OTUD3: variants seen among roughly 807,000 people sequenced by gnomAD.
OTUD3 encodes the protein OTU domain-containing protein 3.
OTUD3 carries 24 observed loss-of-function variants against 46.2 expected under a neutral mutation model. That is an observed-to-expected ratio of 0.52 (90% confidence interval 0.38 to 0.73). The LOEUF is 0.73. OTUD3 is among the 30% of genes least tolerant of loss of function. The pLI, the probability that OTUD3 is intolerant of heterozygous loss-of-function variation, is 0.00. For missense variants in OTUD3, 455 were observed against 523.3 expected, an observed-to-expected ratio of 0.87 and a Z score of 1.27; for synonymous variants, 189 against 195.4, an observed-to-expected ratio of 0.97 and a Z score of 0.27.
chr1:19,907,067 G>C (rs562070850), intron 7 of OTUD3: 1 of 162,336 alleles, frequency 6.2e-6, no homozygotes, highest in African/African-American at 2.4e-5. Flanking sequence ...AAATTGTCAC[G>C]TGCTTCCCAG....
At chr1:19,904,085 G>C (rs1017963448) in intron 4 of OTUD3, among the ~76,000 whole-genome samples, 182 bp from the exon 5 acceptor site, 14 of 152,116 alleles carry the variant, frequency 9.2e-5, no homozygotes, top group African/African-American at 3.1e-4. Flanking sequence ...TTCCTCTGTT[G>C]TGACTCAAAG....
intron 7 of OTUD3, among the ~76,000 whole-genome samples, 170 bp from the exon 8 acceptor site, chr1:19,907,400 A>G (rs901746348): frequency 3.9e-5 from 6 of 152,256 alleles, no homozygotes; most frequent in African/African-American, 7.2e-5. Flanking sequence ...ATATAAATTT[A>G]AATGCAAATT....
rs142918335 is a variant in OTUD3, at chr1:19,907,732, G to T, written c.1183G>T (p.Ala395Ser). 52 of 1,614,022 alleles carry T rather than the reference G, an allele frequency of 3.2e-5. No homozygotes were observed. Among genetic ancestry groups the T allele is most frequent in the Non-Finnish European group, 3.0e-5 (35 of 1,179,914 alleles). Residue 395 changes from alanine to serine, a missense_variant, in exon 8 of 8, where the codon GCT becomes TCT. Ala to Ser is a moderately conservative substitution (Grantham distance 99). Transcript: ENST00000375120. ...TQVTLVKTFAALNI is the reference protein window; with the variant it reads ...TQVTLVKTFASLNI The stretch of plus-strand genomic sequence containing the variant: ...GGTCACCTTGGTGAAGACCTTCGCC[G>T]CTCTCAACATCTGACTCTTTGGCCT...
In OTUD3 at chr1:19,890,408, GT is replaced by G; in HGVS notation, c.246del (p.Asp83IlefsTer21). On this transcript the variant is annotated frameshift_variant, in exon 2 of 8. Coordinates refer to ENST00000375120, the MANE Select transcript of OTUD3 (RefSeq NM_015207.2). LOFTEE classifies it high-confidence loss of function. ...AGCAATTGCTTGTTCAGAGCTCTTG[GT>G]GATCAATTGGAGGGACACTCACGAA... is the stretch of plus-strand genomic sequence containing the variant. Reference protein sequence around the residue: ...GDGNCLFRALGDQLEGHSRNH... With the variant: ...GDGNCLFRALXDQLEGHSRNH... The G allele has an allele frequency of 1.2e-6, 2 of 1,613,912 alleles. No individual in the cohort carries two copies. Among genetic ancestry groups the G allele is most frequent in the Non-Finnish European group, 1.7e-6 (2 of 1,179,822 alleles).
In OTUD3 at chr1:19,904,292, C is replaced by A; in HGVS notation, c.632C>A (p.Ser211Ter). 1.2e-6 allele frequency: 2 copies of A among 1,604,354 alleles called. No homozygotes were observed. Among genetic ancestry groups the A allele is most frequent in the South Asian group, 2.2e-5 (2 of 89,230 alleles). ...TDFQMLHQDE[S>*]NKREKIKTKG... Reference sequence around the variant, plus strand: ...TTTCAGATGCTTCATCAAGATGAATCAAATAAAAGAGAAAAGATCAAGACA... The same window carrying A: ...TTTCAGATGCTTCATCAAGATGAATAAAATAAAAGAGAAAAGATCAAGACA... The change falls in exon 5 of 8, where the codon TCA becomes TAA. Residue 211 changes from serine (S) to a stop codon, truncating the protein, a stop_gained. Coordinates refer to ENST00000375120, the MANE Select transcript of OTUD3 (RefSeq NM_015207.2). LOFTEE classifies it high-confidence loss of function.
At chr1:19,887,076 CTTTTTCTTTTTTTT>C (rs2045373079) in intron 1 of OTUD3, among the ~76,000 whole-genome samples, 1 of 135,504 alleles carries the variant, frequency 7.4e-6, no homozygotes, top group Non-Finnish European at 1.6e-5. Flanking sequence ...TTTTCTTTTT[CTTTTTCTTTTTTTT>C]TTTTTTTTGG....
intron 1 of OTUD3, among the ~76,000 whole-genome samples, chr1:19,886,490 T>C (rs2045363067): frequency 6.6e-6 from 1 of 152,182 alleles, no homozygotes; most frequent in South Asian, 2.1e-4. Flanking sequence ...CACTCAGTGG[T>C]TTTCAGTTGG....
At position 19,907,606 on chromosome 1, in the gene OTUD3, GAGA is replaced by G. The variant is rs775997515; in HGVS notation, c.1066_1068del (p.Lys356del). 231 of 1,614,018 alleles carry G rather than the reference GAGA, an allele frequency of 1.4e-4. No individual in the cohort carries two copies. The highest frequency in any genetic ancestry group is 5.7e-4 in the Admixed American group (34 of 60,008). Reference sequence around the variant, plus strand: ...ACAGAGGCGAGAACAGCAGTGGATGGAGAAGAAGAAGCGGCAGGAGGAGAGGCA... The same window carrying G: ...ACAGAGGCGAGAACAGCAGTGGATGGAGAAGAAGCGGCAGGAGGAGAGGCA... On this transcript the variant is annotated inframe_deletion, in exon 8 of 8. Transcript: ENST00000375120.
chr1:19,893,754 A>C (rs564296936), intron 2 of OTUD3, among the ~76,000 whole-genome samples: 4 of 152,332 alleles, frequency 2.6e-5, no homozygotes, highest in Non-Finnish European at 4.4e-5. Context: ...GCAAGGCCAA[A>C]TTCTTACTGC....
intron 1 of OTUD3, among the ~76,000 whole-genome samples, chr1:19,885,085 AG>A (rs1424914938): frequency 6.6e-6 from 1 of 152,138 alleles, no homozygotes; most frequent in Non-Finnish European, 1.5e-5. Flanking sequence ...GTATATATAG[AG>A]GCACAAGGAC....
intron 1 of OTUD3, among the ~76,000 whole-genome samples, chr1:19,888,520 A>T (rs1383820714): frequency 2.0e-5 from 3 of 152,244 alleles, no homozygotes; most frequent in African/African-American, 7.2e-5. Context: ...ATATTAAAAA[A>T]TGTAACAATT....
intron 2 of OTUD3, among the ~76,000 whole-genome samples, chr1:19,893,587 G>C (rs2045478522): frequency 6.6e-6 from 1 of 152,162 alleles, no homozygotes; most frequent in South Asian, 2.1e-4. Context: ...GTTGAACTCA[G>C]TCTCCCCTCT....
rs2045680271 is a variant in OTUD3 at position 19,907,623 on chromosome 1, G to A, written c.1074G>A (p.Gln358=). Residue 358 remains glutamine, a synonymous_variant, in exon 8 of 8, where the codon CAG becomes CAA. Coordinates refer to ENST00000375120, the MANE Select transcript of OTUD3 (RefSeq NM_015207.2). ...AGTGGATGGAGAAGAAGAAGCGGCA[G>A]GAGGAGAGGCACCGCCACAAAGCCC... ...EQQWMEKKKR[Q]EERHRHKALE... 1.9e-6 allele frequency: 3 copies of A among 1,614,170 alleles called. No individual in the cohort carries two copies. Among genetic ancestry groups the A allele is most frequent in the Non-Finnish European group, 2.5e-6 (3 of 1,180,024 alleles).
At chr1:19,889,748 G>A (rs1174239900) in intron 1 of OTUD3, among the ~76,000 whole-genome samples, 1 of 152,194 alleles carries the variant, frequency 6.6e-6, no homozygotes, top group Non-Finnish European at 1.5e-5. Flanking sequence ...TGGCATTGTT[G>A]CTCCCTGGGT....
At chr1:19,895,442 C>T (rs1002794483) in intron 3 of OTUD3, among the ~76,000 whole-genome samples, 4 of 152,164 alleles carry the variant, frequency 2.6e-5, no homozygotes, top group Non-Finnish European at 5.9e-5. Context: ...ATCACTGGCC[C>T]CCTCCCCCAA....
At chr1:19,899,550 C>T (rs2045560250) in intron 4 of OTUD3, among the ~76,000 whole-genome samples, 2 of 152,160 alleles carry the variant, frequency 1.3e-5, no homozygotes, top group Non-Finnish European at 2.9e-5. Flanking sequence ...GGTTTCTAAC[C>T]CTTTGCTATT....
At chr1:19,884,768 C>A (rs902383948) in intron 1 of OTUD3, among the ~76,000 whole-genome samples, 2 of 152,174 alleles carry the variant, frequency 1.3e-5, no homozygotes, top group Admixed American at 1.3e-4. Flanking sequence ...TTTGAACTCA[C>A]GGATACCCTG....
rs775881456 is a variant in OTUD3 at position 19,890,366 on chromosome 1, CGTG to C, written c.222-18_222-16del. 2.9e-5 allele frequency: 47 copies of C among 1,612,370 alleles called. No homozygotes were observed. The highest frequency in any genetic ancestry group is 3.8e-5 in the Non-Finnish European group (45 of 1,178,602). ...AGTTCATTTTTGAAAGGTCTTGACT[CGTG>C]TTGTTGTTTTGACAGCAATTGCTTG... is the stretch of plus-strand genomic sequence containing the variant. On this transcript the variant is annotated splice_polypyrimidine_tract_variant and intron_variant, in intron 1 of 7. Transcript: ENST00000375120.
At chr1:19,897,227 A>G (rs952277196) in intron 3 of OTUD3, among the ~76,000 whole-genome samples, 1 of 152,126 alleles carries the variant, frequency 6.6e-6, no homozygotes, top group Non-Finnish European at 1.5e-5. Context: ...GGGCTTGTGC[A>G]TTAGAGGGGC....
Sources: gnomAD v4.1 joint callset for allele counts (sites outside exome capture counted in the v4.1 genomes callset) on GRCh38, gnomAD v4.1.1 for gene constraint, MANE v1.5 for transcripts, NCBI Gene and HGNC (gene_info 2026-07-23, HGNC 2026-07-21) for gene names.